SLMAP: variants seen among roughly 807,000 people sequenced by gnomAD.
SLMAP encodes the protein sarcolemmal membrane-associated protein.
A neutral mutation model predicts 128.8 loss-of-function variants in SLMAP; 44 were observed. The ratio of observed to expected loss-of-function variants is 0.34; its 90% CI spans 0.27 to 0.44. SLMAP has a LOEUF of 0.44. SLMAP is among the 20% of genes least tolerant of loss of function. The probability of loss-of-function intolerance (pLI) is 1.00; values close to 1 mark genes in which losing one functional copy is unlikely to be tolerated. For missense variants in SLMAP, 787 were observed against 985.3 expected (o/e 0.80, Z 2.69); for synonymous variants, 327 against 348.8 (o/e 0.94, Z 0.70).
chr3:57,909,078 C>G lies in SLMAP; in HGVS notation c.1627C>G (p.Leu543Val). ...SKQKCFELQA[L>V]LEEERKAYRN... ...AGATACTGTGTTTTTACTTTTAGCTCTTTTGGAAGAAGAAAGAAAAGCCTA... is the reference window on the plus strand; with the variant it reads ...AGATACTGTGTTTTTACTTTTAGCTGTTTTGGAAGAAGAAAGAAAAGCCTA... Residue 543 changes from leucine to valine, a missense_variant and splice_region_variant, in exon 19 of 25, where the codon CTT becomes GTT. Leu to Val is a conservative substitution (Grantham distance 32). Around this residue, in one of 2 missense-constraint regions of SLMAP, gnomAD observed 715 missense variants for 843.6 expected, o/e 0.85. Transcript: ENST00000671191. 6.2e-7 allele frequency: 1 copy of G among 1,604,864 alleles called. No homozygotes were observed. Among genetic ancestry groups the G allele is most frequent in the Non-Finnish European group, 8.5e-7 (1 of 1,173,398 alleles).
intron 4 of SLMAP, among the ~76,000 whole-genome samples, chr3:57,844,018 G>T (rs1345015737): frequency 1.3e-5 from 2 of 150,964 alleles, no homozygotes; most frequent in Non-Finnish European, 1.5e-5. Flanking sequence ...GACCTCAGGT[G>T]ATCTGCTCCC....
chr3:57,847,510 C>T (rs554094014), intron 5 of SLMAP, among the ~76,000 whole-genome samples: 92 of 152,236 alleles, frequency 6.0e-4, no homozygotes, highest in African/African-American at 2.0e-3. Context: ...AAGGAGTATT[C>T]GCTGTTACTT....
intron 14 of SLMAP, among the ~76,000 whole-genome samples, chr3:57,882,087 A>G (rs2095759122): frequency 6.6e-6 from 1 of 152,180 alleles, no homozygotes; most frequent in African/African-American, 2.4e-5. Flanking sequence ...CTTTTTATAT[A>G]TATTATTTAA....
At chr3:57,819,831 C>A (rs530158035) in intron 2 of SLMAP, among the ~76,000 whole-genome samples, 34 of 152,290 alleles carry the variant, frequency 2.2e-4, no homozygotes, top group Non-Finnish European at 3.8e-4. Flanking sequence ...TAGCTCACTG[C>A]AGCCTCAAAC....
chr3:57,779,610 C>T (rs2082615133), intron 2 of SLMAP, among the ~76,000 whole-genome samples: 2 of 151,604 alleles, frequency 1.3e-5, no homozygotes, highest in Admixed American at 1.3e-4. Context: ...GATAAGCAAT[C>T]CTTGTGGGGG....
intron 10 of SLMAP, among the ~76,000 whole-genome samples, chr3:57,864,201 C>A (rs944627378): frequency 9.9e-5 from 15 of 151,976 alleles, no homozygotes; most frequent in South Asian, 4.1e-4. Context: ...TGAGGTCAGG[C>A]GTTCGAGACC....
chr3:57,864,130 G>A (rs926005500), intron 10 of SLMAP, among the ~76,000 whole-genome samples: 5 of 152,104 alleles, frequency 3.3e-5, no homozygotes, highest in Admixed American at 6.5e-5. Context: ...CAGGTTAGCC[G>A]GGCGCAGTGG....
At chr3:57,860,883 T>G (rs765905508) in intron 9 of SLMAP, 44 bp downstream of exon 9, 1 of 1,465,874 alleles carries the variant, frequency 6.8e-7, no homozygotes, top group East Asian at 2.5e-5. Context: ...TTATGAGTGT[T>G]CAAAAAAATC....
chr3:57,806,446 C>CT (rs1350395679), intron 2 of SLMAP, among the ~76,000 whole-genome samples: 94 of 150,950 alleles, frequency 6.2e-4, no homozygotes, highest in East Asian at 1.4e-3. Context: ...CTTTTCTTTT[C>CT]TTTTTTTTTG....
chr3:57,904,903 C>CA (rs139864222), intron 17 of SLMAP, among the ~76,000 whole-genome samples: 5,690 of 152,180 alleles, frequency 0.037, 377 homozygotes, highest in African/African-American at 0.13. Context: ...CCCATCTCTA[C>CA]AAAAAATTAA....
chr3:57,909,859 A>G (rs896648260), intron 19 of SLMAP, among the ~76,000 whole-genome samples: 4 of 151,088 alleles, frequency 2.6e-5, no homozygotes, highest in African/African-American at 9.7e-5. Context: ...TGATCCACCA[A>G]TCTTGGCCTC....
chr3:57,890,293 G>A (rs2096026624), intron 15 of SLMAP, 193 bp downstream of exon 15: 1 of 483,596 alleles, frequency 2.1e-6, no homozygotes, highest in African/African-American at 1.9e-5. Context: ...TAACTGGAAT[G>A]TGTCTTTTTA....
intron 15 of SLMAP, chr3:57,890,769 T>G (rs999176628): frequency 2.0e-5 from 3 of 152,240 alleles, no homozygotes; most frequent in Admixed American, 1.3e-4. Context: ...ATAGTAGAAC[T>G]TTCATTAGAC....
intron 22 of SLMAP, among the ~76,000 whole-genome samples, chr3:57,922,234 G>A (rs1446765748): frequency 1.3e-5 from 2 of 152,124 alleles, no homozygotes; most frequent in East Asian, 3.9e-4. Context: ...CCTAACATTG[G>A]CTATGGAATT....
At chr3:57,803,641 A>T (rs2153499639) in intron 2 of SLMAP, among the ~76,000 whole-genome samples, 1 of 152,362 alleles carries the variant, frequency 6.6e-6, no homozygotes, top group South Asian at 2.1e-4. Context: ...CATGTGTTGA[A>T]GTCAAATCTG....
chr3:57,879,634 A>G (rs1273883660), intron 14 of SLMAP, among the ~76,000 whole-genome samples: 1 of 152,138 alleles, frequency 6.6e-6, no homozygotes, highest in Non-Finnish European at 1.5e-5. Flanking sequence ...GAAATATAAG[A>G]AATTAAATAC....
intron 2 of SLMAP, among the ~76,000 whole-genome samples, chr3:57,799,158 G>A (rs2087535262): frequency 6.6e-6 from 1 of 152,090 alleles, no homozygotes; most frequent in South Asian, 2.1e-4. Context: ...CACAGTTAAG[G>A]GATACAATAA....
At chr3:57,835,212 G>A (rs1285997570) in intron 3 of SLMAP, among the ~76,000 whole-genome samples, 2 of 151,698 alleles carry the variant, frequency 1.3e-5, no homozygotes, top group East Asian at 1.9e-4. Context: ...GGCTGAAGTA[G>A]GAGGAGCCCT....
intron 14 of SLMAP, among the ~76,000 whole-genome samples, chr3:57,884,149 G>A (rs893181362): frequency 5.9e-5 from 9 of 151,878 alleles, no homozygotes; most frequent in South Asian, 2.1e-4. Context: ...GGCTGGTTTC[G>A]AGCTCCTGGG....
Sources: allele counts gnomAD v4.1 joint callset (sites outside exome capture counted in the v4.1 genomes callset), GRCh38; gene constraint gnomAD v4.1.1; regional missense constraint gnomAD v4.1.1; transcripts MANE v1.5; gene names NCBI Gene and HGNC (gene_info 2026-07-23, HGNC 2026-07-21).